The following TENM2 variants were observed in gnomAD, a reference collection of about 807,000 sequenced individuals.
TENM2 encodes teneurin-2.
A neutral mutation model predicts 245.2 loss-of-function variants in TENM2; 52 were observed. That is an observed-to-expected ratio of 0.21 (90% CI 0.17 to 0.27). The LOEUF is 0.27. Ranked by LOEUF, TENM2 falls within the 10% of genes least tolerant of loss-of-function variation. The pLI, the probability that TENM2 is intolerant of heterozygous loss-of-function variation, is 1.00. For synonymous variants in TENM2, 1,363 were observed against 1,438.9 expected, an observed-to-expected ratio of 0.95 and a Z score of 1.19; for missense variants, 3,046 against 3,666.8, an observed-to-expected ratio of 0.83 and a Z score of 4.37.
At chr5:167,650,064 A>C (rs1381744854) in intron 2 of TENM2, among the ~76,000 whole-genome samples, 2 of 152,228 alleles carry the variant, frequency 1.3e-5, no homozygotes, top group African/African-American at 4.8e-5. Flanking sequence ...AAAGAGTTTT[A>C]GAACTTCCTG....
At chr5:168,021,733 A>G (rs759184285) in intron 5 of TENM2, among the ~76,000 whole-genome samples, 30 of 152,192 alleles carry the variant, frequency 2.0e-4, no homozygotes, top group South Asian at 4.2e-4. Flanking sequence ...TCAAAGGACC[A>G]TAAGATTTTT....
chr5:167,775,410 A>G (rs1294561794), intron 2 of TENM2, among the ~76,000 whole-genome samples: 1 of 152,236 alleles, frequency 6.6e-6, no homozygotes, highest in Non-Finnish European at 1.5e-5. Context: ...GTACAGATAA[A>G]TAAGTCTCCA....
chr5:167,828,250 C>T (rs923158244), intron 2 of TENM2, among the ~76,000 whole-genome samples: 6 of 152,148 alleles, frequency 3.9e-5, no homozygotes, highest in Admixed American at 2.6e-4. Flanking sequence ...CACCAAAGTT[C>T]TGCTGCATCT....
chr5:167,392,415 T>C (rs930437347), intron 2 of TENM2, among the ~76,000 whole-genome samples: 1 of 152,152 alleles, frequency 6.6e-6, no homozygotes, highest in Non-Finnish European at 1.5e-5. Context: ...CAGGTCTGCA[T>C]GATGCCATCC....
intron 2 of TENM2, among the ~76,000 whole-genome samples, chr5:167,734,653 G>C (rs1331217666): frequency 6.6e-6 from 1 of 152,010 alleles, no homozygotes; most frequent in Non-Finnish European, 1.5e-5. Context: ...TTTGGAGTGA[G>C]TCTGCAGCTT....
intron 2 of TENM2, among the ~76,000 whole-genome samples, chr5:167,529,166 A>G (rs543158240): frequency 6.6e-6 from 1 of 151,960 alleles, no homozygotes; most frequent in South Asian, 2.1e-4. Flanking sequence ...AATTGAGTGA[A>G]TAAGTGAAGT....
intron 2 of TENM2, among the ~76,000 whole-genome samples, chr5:167,478,532 A>G (rs1767547129): frequency 6.6e-6 from 1 of 152,186 alleles, no homozygotes; most frequent in Non-Finnish European, 1.5e-5. Flanking sequence ...TGGGTTTCCT[A>G]TCACCATCCA....
chr5:167,847,160 C>T (rs1363937145), intron 2 of TENM2, among the ~76,000 whole-genome samples: 1 of 152,136 alleles, frequency 6.6e-6, no homozygotes, highest in Admixed American at 6.5e-5. Context: ...ACTATGTTGC[C>T]CAAGTTGATC....
intron 2 of TENM2, among the ~76,000 whole-genome samples, chr5:167,781,297 CA>C (rs1764170424): frequency 6.6e-6 from 1 of 152,080 alleles, no homozygotes; most frequent in Admixed American, 6.5e-5. Flanking sequence ...GGCCCTAAGA[CA>C]TAGAGACAAG....
the TENM2 span, among the ~76,000 whole-genome samples, chr5:167,064,273 C>T: frequency 1.3e-5 from 2 of 152,262 alleles, no homozygotes; most frequent in Admixed American, 6.5e-5. Context: ...TCCCTTGTCC[C>T]GTTTCAACAA....
intron 2 of TENM2, among the ~76,000 whole-genome samples, chr5:167,421,153 T>C (rs1349899113): frequency 5.9e-5 from 9 of 152,178 alleles, no homozygotes; most frequent in Admixed American, 4.6e-4. Flanking sequence ...GCTAATTAAC[T>C]AACCTCATAT....
chr5:167,949,446 TC>T (rs1779903227), intron 3 of TENM2, among the ~76,000 whole-genome samples: 1 of 152,146 alleles, frequency 6.6e-6, no homozygotes, highest in South Asian at 2.1e-4. Flanking sequence ...AAATCTGGGG[TC>T]CCTGAGAGCT....
chr5:167,631,277 C>T (rs1025088679), intron 2 of TENM2, among the ~76,000 whole-genome samples: 5 of 152,052 alleles, frequency 3.3e-5, no homozygotes, highest in African/African-American at 1.2e-4. Context: ...GAGAGGCAGG[C>T]AAATGGGGCT....
At chr5:167,105,616 C>T in the TENM2 span, among the ~76,000 whole-genome samples, 12 of 152,012 alleles carry the variant, frequency 7.9e-5, no homozygotes, top group African/African-American at 2.7e-4. Flanking sequence ...CGGCCGGGCG[C>T]GGTGGCTCAC....
chr5:167,548,550 GAC>G lies in TENM2; in HGVS notation c.502+173090_502+173091del, dbSNP rs10626330. Among the ~76,000 whole-genome samples, 242 of 151,044 alleles carry G rather than the reference GAC, an allele frequency of 1.6e-3. 7 individuals carry two copies. In the East Asian group the frequency reaches 0.027, roughly 17 times the overall value. On this transcript the variant is annotated intron_variant, in intron 2 of 28. Coordinates refer to ENST00000518659, the Ensembl canonical transcript of TENM2. The stretch of plus-strand genomic sequence containing the variant: ...AAGGCAGTATTTATTACAGGTCACA[GAC>G]ACACACACACACGCACACATACACT...
At chr5:167,523,403 G>A (rs1024950804) in intron 2 of TENM2, among the ~76,000 whole-genome samples, 2 of 152,018 alleles carry the variant, frequency 1.3e-5, no homozygotes, top group African/African-American at 4.8e-5. Context: ...CGTGTTGTAG[G>A]ATCTTCCCAT....
At chr5:167,629,504 T>C (rs954890600) in intron 2 of TENM2, among the ~76,000 whole-genome samples, 1 of 152,218 alleles carries the variant, frequency 6.6e-6, no homozygotes, top group African/African-American at 2.4e-5. Flanking sequence ...TTGATTATTT[T>C]TATATCACTG....
upstream of TENM2, among the ~76,000 whole-genome samples, chr5:167,281,035 C>T (rs1418665202): frequency 6.6e-6 from 1 of 151,894 alleles, no homozygotes; most frequent in Non-Finnish European, 1.5e-5. Context: ...CATTTATAGT[C>T]TGCCTGATTT....
the TENM2 span, among the ~76,000 whole-genome samples, chr5:167,268,926 A>ATAGATAGATAGATAGATAGG: frequency 6.9e-6 from 1 of 144,870 alleles, no homozygotes; most frequent in African/African-American, 2.5e-5. Context: ...AGATAGATAG[A>ATAGATAGATAGATAGATAGG]TAGACAGACA....
Sources: allele counts gnomAD v4.1 joint callset (sites outside exome capture counted in the v4.1 genomes callset), GRCh38; gene constraint gnomAD v4.1.1; transcripts MANE v1.5; gene names NCBI Gene and HGNC (gene_info 2026-07-23, HGNC 2026-07-21).